The following RFX3 variants were observed in gnomAD, a reference collection of about 807,000 sequenced individuals.
RFX3 encodes the protein transcription factor RFX3.
In RFX3, 14 loss-of-function variants were observed where a neutral mutation model predicts 98.6. That is an observed-to-expected ratio of 0.14 (90% CI 0.09 to 0.22). RFX3 has a LOEUF of 0.22. RFX3 is among the 10% of genes least tolerant of loss of function. The probability of loss-of-function intolerance (pLI) is 1.00; values close to 1 mark genes in which losing one functional copy is unlikely to be tolerated. For missense variants in RFX3, 639 were observed against 926.9 expected, an observed-to-expected ratio of 0.69 and a Z score of 4.03; for synonymous variants, 383 against 328.4, an observed-to-expected ratio of 1.17 and a Z score of -1.80.
At chr9:3,401,810 G>T (rs1226565159) in intron 1 of RFX3, among the ~76,000 whole-genome samples, 1 of 152,120 alleles carries the variant, frequency 6.6e-6, no homozygotes, top group Non-Finnish European at 1.5e-5. Flanking sequence ...AGCCAGCTCT[G>T]GCTGAATCAT....
chr9:3,427,367 ATATT>A (rs1489011000), intron 1 of RFX3, among the ~76,000 whole-genome samples: 2 of 139,938 alleles, frequency 1.4e-5, no homozygotes, highest in Non-Finnish European at 3.0e-5. Flanking sequence ...ATATAAATAT[ATATT>A]GTTATTATAT....
intron 5 of RFX3, among the ~76,000 whole-genome samples, chr9:3,300,540 G>A (rs1338441858): frequency 6.6e-6 from 1 of 151,558 alleles, no homozygotes; most frequent in Non-Finnish European, 1.5e-5. Flanking sequence ...AAAGTTTTAG[G>A]TTTATTGAAA....
At chr9:3,457,139 CAAAAAAAAAA>C (rs1169959832) in intron 1 of RFX3, among the ~76,000 whole-genome samples, 47 of 22,802 alleles carry the variant, frequency 2.1e-3, no homozygotes, top group East Asian at 0.016. Flanking sequence ...GACTCCATCT[CAAAAAAAAAA>C]AAAAAAAAAA....
chr9:3,310,047 C>T (rs1829782726), intron 4 of RFX3, among the ~76,000 whole-genome samples: 1 of 152,118 alleles, frequency 6.6e-6, no homozygotes, highest in Non-Finnish European at 1.5e-5. Flanking sequence ...CAGTGCTTTC[C>T]CCTGCAAAAT....
intron 1 of RFX3, among the ~76,000 whole-genome samples, chr9:3,445,449 G>A (rs1406620378): frequency 6.6e-6 from 1 of 152,048 alleles, no homozygotes; most frequent in African/African-American, 2.4e-5. Flanking sequence ...ATATCTCAGG[G>A]TGAGTGAAGT....
At chr9:3,483,090 C>T (rs914267216) in intron 1 of RFX3, among the ~76,000 whole-genome samples, 3 of 152,130 alleles carry the variant, frequency 2.0e-5, no homozygotes, top group Admixed American at 1.3e-4. Context: ...AAAATAAATA[C>T]TTAAAATCAA....
chr9:3,524,568 A>C, intron 1 of RFX3: 3 of 979,628 alleles, frequency 3.1e-6, no homozygotes, highest in Non-Finnish European at 3.6e-6. Flanking sequence ...AAAAAAAAAA[A>C]ACTCTTAAAG....
rs561375510 is a variant in RFX3 at position 3,332,975 on chromosome 9, T to A, written c.216-2458A>T. ...GGCCACTCCTCACAGGACTGTTATG[T>A]TTTATGTTCTGTACTTTCCCAACAT... On this transcript the variant is annotated intron_variant, in intron 3 of 16. Coordinates refer to ENST00000617270, the MANE Select transcript of RFX3 (RefSeq NM_001282116.2). Among the ~76,000 whole-genome samples, 6 of 152,288 alleles carry A rather than the reference T, an allele frequency of 3.9e-5. No homozygotes were observed. The South Asian group carries it at 1.2e-3, about 32-fold the overall frequency.
At chr9:3,394,254 G>C (rs148253789) in intron 2 of RFX3, among the ~76,000 whole-genome samples, 6 of 152,224 alleles carry the variant, frequency 3.9e-5, no homozygotes, top group Admixed American at 6.5e-5. Flanking sequence ...ACGAGGTCAG[G>C]AGATCGAGAC....
intron 9 of RFX3, among the ~76,000 whole-genome samples, chr9:3,274,200 C>T (rs1824903295): frequency 1.3e-5 from 2 of 152,120 alleles, no homozygotes; most frequent in South Asian, 2.1e-4. Flanking sequence ...ATCTAGTACC[C>T]TTGACAAGCA....
At chr9:3,377,597 A>C (rs1465311736) in intron 2 of RFX3, among the ~76,000 whole-genome samples, 1 of 152,204 alleles carries the variant, frequency 6.6e-6, no homozygotes, top group Non-Finnish European at 1.5e-5. Context: ...TAATAAAAAA[A>C]AGAATATATG....
intron 1 of RFX3, among the ~76,000 whole-genome samples, chr9:3,499,590 T>C (rs1171682268): frequency 6.6e-6 from 1 of 152,076 alleles, no homozygotes; most frequent in Non-Finnish European, 1.5e-5. Flanking sequence ...TGAAATACTG[T>C]TAAGTCAAAT....
At chr9:3,433,198 AAG>A (rs771389751) in intron 1 of RFX3, among the ~76,000 whole-genome samples, 1 of 152,090 alleles carries the variant, frequency 6.6e-6, no homozygotes. Flanking sequence ...CATGTTGTTC[AAG>A]AGTCAACTGT....
At chr9:3,270,728 T>C in intron 10 of RFX3, 1 of 667,060 alleles carries the variant, frequency 1.5e-6, no homozygotes, top group Non-Finnish European at 2.5e-6. Context: ...TATGCACATT[T>C]GTATTTTCTG....
At chr9:3,386,844 C>T (rs1036019045) in intron 2 of RFX3, among the ~76,000 whole-genome samples, 2 of 151,362 alleles carry the variant, frequency 1.3e-5, no homozygotes, top group African/African-American at 2.5e-5. Context: ...AATTGGCAGT[C>T]GGGGAATACC....
At chr9:3,365,913 C>T (rs1314712168) in intron 2 of RFX3, among the ~76,000 whole-genome samples, 1 of 151,780 alleles carries the variant, frequency 6.6e-6, no homozygotes, top group Non-Finnish European at 1.5e-5. Flanking sequence ...AAAGTTACCT[C>T]TCTAACTTAG....
chr9:3,419,400 TA>T (rs1267270164), intron 1 of RFX3, among the ~76,000 whole-genome samples: 1 of 152,208 alleles, frequency 6.6e-6, no homozygotes, highest in Non-Finnish European at 1.5e-5. Context: ...AAAACAAGTA[TA>T]TTTTTTACTA....
At chr9:3,429,125 C>T (rs977586231) in intron 1 of RFX3, among the ~76,000 whole-genome samples, 4 of 150,566 alleles carry the variant, frequency 2.7e-5, no homozygotes, top group Non-Finnish European at 4.4e-5. Flanking sequence ...CGGGTTCATG[C>T]CATTCTCCTG....
intron 5 of RFX3, among the ~76,000 whole-genome samples, chr9:3,296,904 T>A (rs1365029229): frequency 1.3e-5 from 2 of 152,132 alleles, no homozygotes; most frequent in Non-Finnish European, 2.9e-5. Flanking sequence ...GACTTTGAGA[T>A]GTGGCTGGGG....
Sources: gnomAD v4.1 joint callset for allele counts (sites outside exome capture counted in the v4.1 genomes callset) on GRCh38, gnomAD v4.1.1 for gene constraint, MANE v1.5 for transcripts, NCBI Gene and HGNC (gene_info 2026-07-23, HGNC 2026-07-21) for gene names.